Variants in PKHD1L1 observed in about 807,000 individuals in gnomAD.
PKHD1L1 encodes the protein fibrocystin-L.
In PKHD1L1, 434 loss-of-function variants were observed where a neutral mutation model predicts 462.9. That is an observed-to-expected ratio of 0.94 (90% CI 0.87 to 1.02). The LOEUF (loss-of-function observed/expected upper bound fraction) is 1.02, where lower values mean the gene tolerates loss of function less well. Ranked by LOEUF, PKHD1L1 falls within the 50% of genes least tolerant of loss-of-function variation. The pLI is 0.00. For synonymous variants in PKHD1L1, 1,781 were observed against 1,750.0 expected, an observed-to-expected ratio of 1.02 and a Z score of -0.44; for missense variants, 5,202 against 5,096.1, an observed-to-expected ratio of 1.02 and a Z score of -0.63.
In PKHD1L1 at chr8:109,427,140, A is replaced by G. The variant is rs1024128717; in HGVS notation, c.2984A>G (p.Lys995Arg). The G allele has an allele frequency of 1.9e-5, 31 of 1,613,632 alleles. No individual in the cohort carries two copies. The highest frequency in any genetic ancestry group is 5.3e-5 in the African/African-American group (4 of 74,942). The change falls in exon 25 of 78, where the codon AAG becomes AGG. Residue 995 changes from lysine to arginine, a missense_variant. Transcript: ENST00000378402. ...WNIKWRSTCG[K>R]QNLLQINDSN... ...ATCAAATGGAGAAGCACCTGCGGAAAGCAGAATCTTCTACAGGTTCCCTCA... is the reference window on the plus strand; with the variant it reads ...ATCAAATGGAGAAGCACCTGCGGAAGGCAGAATCTTCTACAGGTTCCCTCA...
intron 65 of PKHD1L1, among the ~76,000 whole-genome samples, chr8:109,497,631 T>C (rs1166838187): frequency 6.6e-6 from 1 of 152,058 alleles, no homozygotes; most frequent in Non-Finnish European, 1.5e-5. Context: ...TTTCACTGTG[T>C]TAGCCAGGAT....
At chr8:109,451,992 A>T (rs749439423) in intron 41 of PKHD1L1, 132 bp from the exon 42 acceptor site, 4 of 724,016 alleles carry the variant, frequency 5.5e-6, no homozygotes, top group Non-Finnish European at 8.4e-6. Context: ...AAAAGCATCA[A>T]TCTACACTTT....
At chr8:109,371,089 G>A (rs190946682) in intron 2 of PKHD1L1, among the ~76,000 whole-genome samples, 6,188 of 152,204 alleles carry the variant, frequency 0.041, 279 homozygotes, top group Admixed American at 0.14. Context: ...ACTGACTTCC[G>A]CAATGGTTGA....
At chr8:109,364,463 C>A (rs1007031512) in intron 1 of PKHD1L1, 84 bp from the exon 2 acceptor site, 4 of 897,376 alleles carry the variant, frequency 4.5e-6, no homozygotes, top group South Asian at 1.5e-5. Context: ...TTCCTTGCAA[C>A]CTTGTGGTAT....
chr8:109,384,268 G>A (rs1417854170), intron 5 of PKHD1L1, 141 bp downstream of exon 5: 1 of 698,818 alleles, frequency 1.4e-6, no homozygotes, highest in African/African-American at 1.8e-5. Flanking sequence ...GCCAGGCGCG[G>A]TGGCTCATGC....
rs775392361 is a variant in PKHD1L1 at position 109,400,187 on chromosome 8, A to G, written c.1124A>G (p.Asp375Gly). The G allele has an allele frequency of 6.2e-7, 1 of 1,613,720 alleles. No homozygotes were observed. Among genetic ancestry groups the G allele is most frequent in the East Asian group, 2.2e-5 (1 of 44,876 alleles). ...GGGTACATGGGTGCCAGTTGGGTAG[A>G]TTCAGCTTCCTATATTTGGCTCATG... is the stretch of plus-strand genomic sequence containing the variant. The part of the protein sequence containing the change: ...TPGYMGASWV[D>G]SASYIWLMEQ... The change falls in exon 13 of 78, where the codon GAT becomes GGT. Residue 375 changes from aspartate to glycine, a missense_variant. Physicochemically the swap from Asp to Gly is moderately conservative, Grantham distance 94 (BLOSUM62 -1). This residue lies in a region of PKHD1L1 where 4,497 missense variants were observed against 4,336.8 expected (regional missense o/e 1.04). Coordinates refer to ENST00000378402, the MANE Select transcript of PKHD1L1 (RefSeq NM_177531.6).
rs1379369 is a variant in PKHD1L1, at chr8:109,400,290, G to A, written c.1227G>A (p.Lys409=). Residue 409 remains lysine (K), a synonymous_variant, in exon 13 of 78, where the codon AAG becomes AAA. Transcript: ENST00000378402. ...CTGATGTTTATAGATTCTACATCAA[G>A]GGTGATGACCGTTATGCTATTTATT... ...PDSDVYRFYI[K]GDDRYAIYFS... 901,356 of 1,613,072 alleles carry A rather than the reference G, an allele frequency of 0.56. 254,821 individuals are homozygous for A. Among genetic ancestry groups the A allele is most frequent in the African/African-American group, 0.69 (51,803 of 74,894 alleles).
chr8:109,401,267 A>G (rs921865687), intron 13 of PKHD1L1, among the ~76,000 whole-genome samples: 8 of 152,130 alleles, frequency 5.3e-5, no homozygotes, highest in Non-Finnish European at 1.0e-4. Context: ...TACTTAGTAC[A>G]GTAGTGTTGA....
intron 50 of PKHD1L1, among the ~76,000 whole-genome samples, chr8:109,468,055 T>C (rs930926204): frequency 2.6e-5 from 4 of 152,338 alleles, no homozygotes; most frequent in African/African-American, 9.6e-5. Flanking sequence ...CATTTAATGA[T>C]ATTTACAAAG....
intron 19 of PKHD1L1, among the ~76,000 whole-genome samples, chr8:109,411,699 CTTTT>C (rs1813864835): frequency 6.6e-6 from 1 of 152,148 alleles, no homozygotes; most frequent in African/African-American, 2.4e-5. Flanking sequence ...CCCCTACTTT[CTTTT>C]TACCATTTGC....
chr8:109,423,872 G>T (rs1157356466), intron 23 of PKHD1L1, among the ~76,000 whole-genome samples: 2 of 152,116 alleles, frequency 1.3e-5, no homozygotes, highest in African/African-American at 4.8e-5. Context: ...TACATGTTTT[G>T]TGAGATTTAT....
intron 67 of PKHD1L1, among the ~76,000 whole-genome samples, chr8:109,500,520 C>CAAAAAAA (rs542817713): frequency 4.6e-5 from 2 of 43,692 alleles, no homozygotes; most frequent in Admixed American, 3.0e-4. Context: ...ACTAAAAATA[C>CAAAAAAA]AAAAAAAAAA....
Position 109,534,435 on chromosome 8 carries a change from C to T in PKHD1L1, c.*4345C>T, listed in dbSNP as rs1459016033. ...CTGAGATCTCGCCACTGCACTCCAGCCTGGGTGACAGAGCGAGACACATCT... is the reference window on the plus strand; with the variant it reads ...CTGAGATCTCGCCACTGCACTCCAGTCTGGGTGACAGAGCGAGACACATCT... On this transcript the variant is annotated 3_prime_UTR_variant, in exon 78 of 78. Coordinates refer to ENST00000378402, the MANE Select transcript of PKHD1L1 (RefSeq NM_177531.6). 1.2e-4 allele frequency among the ~76,000 whole-genome samples: 18 copies of T among 152,048 alleles called. No homozygotes were observed. Among genetic ancestry groups the T allele is most frequent in the Admixed American group, 1.2e-3 (18 of 15,280 alleles).
Position 109,443,734 on chromosome 8 carries a change from C to T in PKHD1L1, c.4623C>T (p.Pro1541=), listed in dbSNP as rs375837903. 49 of 1,613,656 alleles carry T rather than the reference C, an allele frequency of 3.0e-5. No homozygotes were observed. In the African/African-American group the frequency reaches 5.1e-4, roughly 17 times the overall value. The change falls in exon 37 of 78, where the codon CCC becomes CCT. Residue 1541 remains proline (P), a synonymous_variant. Transcript: ENST00000378402. ...TGGCAGGCTGCCTAGCAACAGAACC[C>T]CTGTGCAGCCTGAACAATACCAGGG... ...SSVAGCLATE[P]LCSLNNTRVK...
intron 46 of PKHD1L1, among the ~76,000 whole-genome samples, chr8:109,457,070 C>A (rs1007755275): frequency 1.3e-5 from 2 of 152,040 alleles, no homozygotes; most frequent in South Asian, 2.1e-4. Flanking sequence ...TGGGTAGGGG[C>A]AAGAGGAGCA....
In PKHD1L1 at chr8:109,427,047, A is replaced by T; in HGVS notation, c.2891A>T (p.Gln964Leu). 1.2e-6 allele frequency: 2 copies of T among 1,613,746 alleles called. No individual in the cohort carries two copies. The highest frequency in any genetic ancestry group is 1.7e-6 in the Non-Finnish European group (2 of 1,179,652). Reference sequence around the variant, plus strand: ...GCTGCAGATCTGCAGTTTGCACTCCAGAGTCTGGAGGGAATGGGAAGAATC... The same window carrying T: ...GCTGCAGATCTGCAGTTTGCACTCCTGAGTCTGGAGGGAATGGGAAGAATC... ...VSAADLQFAL[Q>L]SLEGMGRISV... Residue 964 changes from glutamine (Q) to leucine (L), a missense_variant, in exon 25 of 78, where the codon CAG (glutamine) becomes CTG (leucine). Coordinates refer to ENST00000378402, the MANE Select transcript of PKHD1L1 (RefSeq NM_177531.6).
intron 49 of PKHD1L1, 49 bp downstream of exon 49, chr8:109,465,294 G>A: frequency 6.4e-7 from 1 of 1,554,450 alleles, no homozygotes; most frequent in Non-Finnish European, 8.7e-7. Flanking sequence ...AAATATGTTT[G>A]TGTTAGCACA....
rs199949473 is a variant in PKHD1L1 at position 109,389,408 on chromosome 8, G to A, written c.697+256G>A. Among the ~76,000 whole-genome samples, 19 of 151,782 alleles carry A rather than the reference G, an allele frequency of 1.3e-4. No homozygotes were observed. The East Asian group carries it at 1.7e-3, about 14-fold the overall frequency. On this transcript the variant is annotated intron_variant, in intron 8 of 77. Coordinates refer to ENST00000378402, the MANE Select transcript of PKHD1L1 (RefSeq NM_177531.6). The stretch of plus-strand genomic sequence containing the variant: ...TTCTTCTTTCTCCCTACAGCATTCC[G>A]TGTCTAATTTGGCTATTTTGCCTGT...
Position 109,489,958 on chromosome 8 carries a change from C to A in PKHD1L1, c.9887C>A (p.Ala3296Glu). The change falls in exon 60 of 78, where the codon GCA becomes GAA. Residue 3296 changes from alanine (A) to glutamate (E), a missense_variant. Around this residue, in one of 3 missense-constraint regions of PKHD1L1, gnomAD observed 4,497 missense variants for 4,336.8 expected, o/e 1.04. Transcript: ENST00000378402. ...AAATCTTTCCCTACCTTAGGAAATG[C>A]AAGAATAAGTAATGTGGAATTTTAT... ...TENMMTFKGNARISNVEFYHS... is the reference protein window; with the variant it reads ...TENMMTFKGNERISNVEFYHS... 6.3e-7 allele frequency: 1 copy of A among 1,590,888 alleles called. No homozygotes were observed. Among genetic ancestry groups the A allele is most frequent in the Non-Finnish European group, 8.6e-7 (1 of 1,161,532 alleles).
Sources: allele counts gnomAD v4.1 joint callset (sites outside exome capture counted in the v4.1 genomes callset), GRCh38; gene constraint gnomAD v4.1.1; regional missense constraint gnomAD v4.1.1; transcripts MANE v1.5; gene names NCBI Gene and HGNC (gene_info 2026-07-23, HGNC 2026-07-21).